RBFOX1: variants seen among roughly 807,000 people sequenced by gnomAD.
RBFOX1 encodes RNA binding protein fox-1 homolog 1.
In RBFOX1, 8 loss-of-function variants were observed where a neutral mutation model predicts 57.7. The ratio of observed to expected loss-of-function variants is 0.14; its 90% CI spans 0.08 to 0.25. The LOEUF (loss-of-function observed/expected upper bound fraction) is 0.25, where lower values mean the gene tolerates loss of function less well. Ranked by LOEUF, RBFOX1 falls within the 10% of genes least tolerant of loss-of-function variation. The pLI, the probability that RBFOX1 is intolerant of heterozygous loss-of-function variation, is 1.00. For synonymous variants in RBFOX1, 326 were observed against 222.4 expected (o/e 1.47, Z -4.15); for missense variants, 611 against 548.5 (o/e 1.11, Z -1.14).
intron 2 of RBFOX1, among the ~76,000 whole-genome samples, chr16:6,609,413 C>A (rs2098004409): frequency 2.0e-5 from 3 of 151,984 alleles, no homozygotes; most frequent in Admixed American, 2.0e-4. Context: ...AGTGCAGTCT[C>A]AGCTCACTGC....
chr16:6,667,182 G>A (rs2098738246), intron 3 of RBFOX1, among the ~76,000 whole-genome samples: 1 of 152,166 alleles, frequency 6.6e-6, no homozygotes. Flanking sequence ...AGTTAAATTA[G>A]CCTCTGATGG....
rs559703811 is a variant in RBFOX1, at chr16:7,693,502, C to A, written c.996-15554C>A. ...AAGAAAAAAAAAAAAGATCTTATAT[C>A]TTTGGAGTACAGCTGAAGCCTTGAG... is the stretch of plus-strand genomic sequence containing the variant. On this transcript the variant is annotated intron_variant, in intron 14 of 15. Coordinates refer to ENST00000550418, the MANE Select transcript of RBFOX1 (RefSeq NM_018723.4). 159 of 662,108 alleles carry A rather than the reference C, an allele frequency of 2.4e-4. 1 individual carries two copies. The highest frequency in any genetic ancestry group is 3.7e-4 in the Non-Finnish European group (151 of 403,204). 41.0% of individuals were successfully genotyped at this position (662,108 alleles called of 1,614,324 possible).
intron 3 of RBFOX1, among the ~76,000 whole-genome samples, chr16:7,034,033 C>G (rs1327633516): frequency 1.3e-5 from 2 of 152,288 alleles, no homozygotes; most frequent in East Asian, 3.9e-4. Flanking sequence ...GGATTTCTCT[C>G]CATTGCGGAG....
intron 3 of RBFOX1, among the ~76,000 whole-genome samples, chr16:6,757,234 C>G (rs1215541871): frequency 6.6e-6 from 1 of 152,024 alleles, no homozygotes; most frequent in Non-Finnish European, 1.5e-5. Flanking sequence ...GAAAACAATA[C>G]AGAGGTTTCT....
rs565184970 is a variant in RBFOX1, at chr16:5,589,271, C to T, written c.259-9631C>T. 1.1e-4 allele frequency among the ~76,000 whole-genome samples: 17 copies of T among 152,244 alleles called. 1 individual carries two copies. In the South Asian group the frequency reaches 2.9e-3, roughly 26 times the overall value. The stretch of plus-strand genomic sequence containing the variant: ...CCAAGGGAATGCTTCTGTTCCTTTG[C>T]ATGGTTTGTACAAGGAAGTGTGGTG... On this transcript the variant is annotated intron_variant, in intron 2 of 2. Coordinates refer to the RBFOX1 transcript ENST00000585867.
At chr16:7,253,349 G>A (rs1333001992) in intron 4 of RBFOX1, among the ~76,000 whole-genome samples, 1 of 151,930 alleles carries the variant, frequency 6.6e-6, no homozygotes, top group African/African-American at 2.4e-5. Flanking sequence ...GACATGTCAG[G>A]CTTTGGTTTC....
chr16:6,390,469 GTGTT>G (rs1232451301), intron 2 of RBFOX1, among the ~76,000 whole-genome samples: 1 of 151,944 alleles, frequency 6.6e-6, no homozygotes, highest in African/African-American at 2.4e-5. Context: ...GCCGGGCACT[GTGTT>G]TGTTTCTGGG....
intron 3 of RBFOX1, among the ~76,000 whole-genome samples, chr16:6,805,319 A>G (rs747125984): frequency 6.6e-6 from 1 of 152,166 alleles, no homozygotes; most frequent in Non-Finnish European, 1.5e-5. Context: ...GTTCTCACTT[A>G]CAAGTGGGAA....
intron 1 of RBFOX1, among the ~76,000 whole-genome samples, chr16:5,422,213 G>A (rs1296659554): frequency 6.7e-6 from 1 of 149,458 alleles, no homozygotes; most frequent in Non-Finnish European, 1.5e-5. Flanking sequence ...GAAAGGTGGA[G>A]GAGAGAGGAG....
chr16:6,244,589 C>T (rs368189339), intron 1 of RBFOX1, among the ~76,000 whole-genome samples: 30 of 152,232 alleles, frequency 2.0e-4, no homozygotes, highest in African/African-American at 6.0e-4. Context: ...CTGCAATGTT[C>T]GCCTCTTGGG....
chr16:6,750,221 A>C (rs1273849878), intron 3 of RBFOX1, among the ~76,000 whole-genome samples: 1 of 152,184 alleles, frequency 6.6e-6, no homozygotes, highest in Non-Finnish European at 1.5e-5. Context: ...TGTGGGCTCT[A>C]CCTGAGGGCA....
chr16:6,645,114 G>T (rs1048033435), intron 2 of RBFOX1, among the ~76,000 whole-genome samples: 1 of 152,126 alleles, frequency 6.6e-6, no homozygotes, highest in African/African-American at 2.4e-5. Flanking sequence ...CACATGACTT[G>T]TAGCAGCATC....
intron 3 of RBFOX1, among the ~76,000 whole-genome samples, chr16:5,818,005 T>C (rs1298551080): frequency 6.6e-6 from 1 of 152,156 alleles, no homozygotes; most frequent in Non-Finnish European, 1.5e-5. Flanking sequence ...TTGTGGGCTG[T>C]ATTAAGCGTA....
At chr16:6,284,696 C>T (rs1295807887) in intron 1 of RBFOX1, among the ~76,000 whole-genome samples, 1 of 152,092 alleles carries the variant, frequency 6.6e-6, no homozygotes, top group East Asian at 1.9e-4. Flanking sequence ...AACAACTATT[C>T]AATCACGGTG....
chr16:7,053,703 A>C (rs1164945610), intron 4 of RBFOX1, among the ~76,000 whole-genome samples: 1 of 152,178 alleles, frequency 6.6e-6, no homozygotes, highest in Non-Finnish European at 1.5e-5. Context: ...TTTAGGTTCA[A>C]GAATGGAGTC....
At chr16:5,519,927 A>G (rs1279659218) in intron 2 of RBFOX1, among the ~76,000 whole-genome samples, 1 of 152,250 alleles carries the variant, frequency 6.6e-6, no homozygotes, top group Non-Finnish European at 1.5e-5. Flanking sequence ...TGTGATGAAT[A>G]AGTGCTATAG....
intron 2 of RBFOX1, among the ~76,000 whole-genome samples, chr16:6,413,342 T>C (rs1596843989): frequency 6.8e-6 from 1 of 147,538 alleles, no homozygotes; most frequent in Non-Finnish European, 1.5e-5. Flanking sequence ...AAAAAAAAAT[T>C]GTAGAGATAG....
At chr16:7,128,431 A>G (rs187643164) in intron 4 of RBFOX1, among the ~76,000 whole-genome samples, 153 of 152,248 alleles carry the variant, frequency 1.0e-3, no homozygotes, top group African/African-American at 3.6e-3. Flanking sequence ...AAATTGGCAA[A>G]CCAAGAGAGC....
At chr16:6,919,081 G>A (rs2073894105) in intron 3 of RBFOX1, among the ~76,000 whole-genome samples, 1 of 152,164 alleles carries the variant, frequency 6.6e-6, no homozygotes, top group Non-Finnish European at 1.5e-5. Context: ...TTGGGTTTAA[G>A]CCATTCTCCT....
Sources: gnomAD v4.1 joint callset for allele counts (sites outside exome capture counted in the v4.1 genomes callset) on GRCh38, gnomAD v4.1.1 for gene constraint, MANE v1.5 for transcripts, NCBI Gene and HGNC (gene_info 2026-07-23, HGNC 2026-07-21) for gene names.